Variants in FOXN3 observed in about 807,000 individuals in gnomAD.
FOXN3 encodes the protein forkhead box N3, also known as forkhead box protein N3.
In FOXN3, 7 loss-of-function variants were observed where a neutral mutation model predicts 38.4. The observed-to-expected ratio is 0.18, with a 90% CI of 0.10 to 0.34. The LOEUF (loss-of-function observed/expected upper bound fraction) is 0.34. Ranked by LOEUF, FOXN3 falls within the 10% of genes least tolerant of loss-of-function variation. The probability of loss-of-function intolerance (pLI) is 1.00; values close to 1 mark genes in which losing one functional copy is unlikely to be tolerated. For synonymous variants in FOXN3, 230 were observed against 242.2 expected, an observed-to-expected ratio of 0.95 and a Z score of 0.47; for missense variants, 456 against 613.4, an observed-to-expected ratio of 0.74 and a Z score of 2.71.
At chr14:89,569,399 A>G (rs1330548117) in intron 1 of FOXN3, among the ~76,000 whole-genome samples, 2 of 152,182 alleles carry the variant, frequency 1.3e-5, no homozygotes, top group Non-Finnish European at 1.5e-5. Context: ...ATTTCAGCCC[A>G]GCTCTGCTGA....
intron 2 of FOXN3, among the ~76,000 whole-genome samples, chr14:89,409,021 C>T (rs1004379727): frequency 2.0e-5 from 3 of 152,160 alleles, no homozygotes; most frequent in African/African-American, 7.2e-5. Flanking sequence ...CCTGAGCATA[C>T]CTGGGAGCCT....
At chr14:89,557,313 T>TG (rs1306597335) in intron 1 of FOXN3, among the ~76,000 whole-genome samples, 1 of 152,112 alleles carries the variant, frequency 6.6e-6, no homozygotes, top group Admixed American at 6.5e-5. Context: ...CCACTCTTAT[T>TG]GGGGGGTTAG....
chr14:89,477,185 C>A (rs1893228495), intron 1 of FOXN3, among the ~76,000 whole-genome samples: 1 of 152,154 alleles, frequency 6.6e-6, no homozygotes, highest in Non-Finnish European at 1.5e-5. Context: ...CCCCCACCCC[C>A]TTAGACTAAG....
At chr14:89,506,601 G>C (rs1446146582) in intron 1 of FOXN3, among the ~76,000 whole-genome samples, 2 of 152,120 alleles carry the variant, frequency 1.3e-5, no homozygotes, top group African/African-American at 4.8e-5. Context: ...CCCTCTGCCC[G>C]GCCACCACCC....
chr14:89,463,065 C>A (rs141210411), intron 1 of FOXN3, among the ~76,000 whole-genome samples: 2 of 150,990 alleles, frequency 1.3e-5, no homozygotes, highest in Admixed American at 1.3e-4. Flanking sequence ...CCAAGGAGGG[C>A]GGATCACGAG....
chr14:89,324,403 C>T (rs1308633531), intron 3 of FOXN3, among the ~76,000 whole-genome samples: 2 of 150,968 alleles, frequency 1.3e-5, no homozygotes, highest in East Asian at 3.9e-4. Context: ...AGAACCACAG[C>T]CTAAACATAC....
chr14:89,561,835 A>G (rs148484894), intron 1 of FOXN3, among the ~76,000 whole-genome samples: 18 of 152,204 alleles, frequency 1.2e-4, no homozygotes, highest in Admixed American at 6.5e-4. Context: ...CCAGAAAACT[A>G]CTCCTAAATA....
At chr14:89,319,090 T>G (rs942922057) in intron 3 of FOXN3, among the ~76,000 whole-genome samples, 1 of 152,080 alleles carries the variant, frequency 6.6e-6, no homozygotes, top group African/African-American at 2.4e-5. Flanking sequence ...AAGGGAAGAA[T>G]CAAAGACAAT....
rs1886987418 is a variant in FOXN3, at chr14:89,156,644, T to C, written c.*5770A>G. Reference sequence around the variant, plus strand: ...TCTGATTGCTTTATCACTTTTTTTTTTTTTCTGTAAAACAAAACAAAACTC... The same window carrying C: ...TCTGATTGCTTTATCACTTTTTTTTCTTTTCTGTAAAACAAAACAAAACTC... On this transcript the variant is annotated 3_prime_UTR_variant, in exon 6 of 6. Transcript: ENST00000557258. 6.6e-6 allele frequency: 1 copy of C among 152,108 alleles called. No individual in the cohort carries two copies. Among genetic ancestry groups the C allele is most frequent in the African/African-American group, 2.4e-5 (1 of 41,398 alleles). 9.4% of individuals were successfully genotyped at this position (152,108 alleles called of 1,614,324 possible).
intron 2 of FOXN3, among the ~76,000 whole-genome samples, chr14:89,400,709 C>A (rs1479228254): frequency 6.6e-6 from 1 of 152,180 alleles, no homozygotes; most frequent in Non-Finnish European, 1.5e-5. Flanking sequence ...ACATTTTGAG[C>A]CATTGCCACC....
At chr14:89,607,793 T>C (rs1413163436) in intron 1 of FOXN3, among the ~76,000 whole-genome samples, 1 of 149,242 alleles carries the variant, frequency 6.7e-6, no homozygotes, top group Non-Finnish European at 1.5e-5. Flanking sequence ...CTGGTAAAAT[T>C]TATGCTTCAA....
In FOXN3 at chr14:89,474,821, A is replaced by T. The variant is rs190804531; in HGVS notation, c.-14-62331T>A. Among the ~76,000 whole-genome samples, 417 of 151,696 alleles carry T rather than the reference A, an allele frequency of 2.7e-3. 3 individuals carry two copies. Among genetic ancestry groups the T allele is most frequent in the Non-Finnish European group, 3.5e-3 (237 of 67,886 alleles). ...CATATCTTTTTATTTATTTATTATT[A>T]TTATTTTTTCTTGAGATGCCGTCTT... On this transcript the variant is annotated intron_variant, in intron 1 of 6. Transcript: ENST00000345097.
chr14:89,167,915 G>A (rs1485708651), intron 5 of FOXN3, among the ~76,000 whole-genome samples: 4 of 152,172 alleles, frequency 2.6e-5, no homozygotes, highest in African/African-American at 9.7e-5. Flanking sequence ...GAAGGTTGAT[G>A]CTGGCTGCTT....
chr14:89,191,406 T>G (rs955556615), intron 4 of FOXN3, among the ~76,000 whole-genome samples: 16 of 152,304 alleles, frequency 1.1e-4, no homozygotes, highest in South Asian at 8.3e-4. Flanking sequence ...CTGTGCCCTG[T>G]CCAAATAAAT....
intron 1 of FOXN3, among the ~76,000 whole-genome samples, chr14:89,567,717 G>A (rs568803613): frequency 4.3e-4 from 54 of 126,094 alleles, no homozygotes; most frequent in African/African-American, 1.6e-3. Context: ...AACAAATCTC[G>A]TTGATTTTTT....
chr14:89,193,897 T>G (rs914806205), intron 4 of FOXN3, among the ~76,000 whole-genome samples: 2 of 152,204 alleles, frequency 1.3e-5, no homozygotes, highest in Non-Finnish European at 2.9e-5. Context: ...AGGGGATATA[T>G]AGTAATATTT....
At chr14:89,189,210 C>G (rs1000833856) in intron 4 of FOXN3, among the ~76,000 whole-genome samples, 2 of 152,150 alleles carry the variant, frequency 1.3e-5, no homozygotes, top group Admixed American at 1.3e-4. Context: ...GGGGCTATGA[C>G]GGATGGCCTG....
In FOXN3 at chr14:89,508,888, C is replaced by T. The variant is rs1321608658; in HGVS notation, c.-14-96398G>A. On this transcript the variant is annotated intron_variant, in intron 1 of 6. Transcript: ENST00000345097. ...ACCACTGTGCCCTTATGATTTTAGG[C>T]CTTTCCTGCCTTCCACATGACAGGC... Among the ~76,000 whole-genome samples, 4 of 152,166 alleles carry T rather than the reference C, an allele frequency of 2.6e-5. No homozygotes were observed. In the East Asian group the frequency reaches 5.8e-4, roughly 22 times the overall value.
At position 89,478,347 on chromosome 14, in the gene FOXN3, A is replaced by C. The variant is rs541092737; in HGVS notation, c.-14-65857T>G. Among the ~76,000 whole-genome samples, 4 of 152,296 alleles carry C rather than the reference A, an allele frequency of 2.6e-5. No individual in the cohort carries two copies. The South Asian group carries it at 8.3e-4, about 32-fold the overall frequency. Reference sequence around the variant, plus strand: ...CTTTTCTTATAAATTACCCAGTCTCAGGTGTTTCTTTATAGCAGTGCAAGA... The same window carrying C: ...CTTTTCTTATAAATTACCCAGTCTCCGGTGTTTCTTTATAGCAGTGCAAGA... On this transcript the variant is annotated intron_variant, in intron 1 of 6. Transcript: ENST00000345097.
Sources: allele counts gnomAD v4.1 joint callset (sites outside exome capture counted in the v4.1 genomes callset), GRCh38; gene constraint gnomAD v4.1.1; transcripts MANE v1.5; gene names NCBI Gene and HGNC (gene_info 2026-07-23, HGNC 2026-07-21).